IL31RA: variants seen among roughly 807,000 people sequenced by gnomAD.
IL31RA encodes interleukin 31 receptor A, also known as interleukin-31 receptor subunit alpha.
In IL31RA, 66 loss-of-function variants were observed where a neutral mutation model predicts 83.7. The observed-to-expected ratio is 0.79, with a 90% CI of 0.65 to 0.97. The LOEUF (loss-of-function observed/expected upper bound fraction) is 0.97. Among genes scored for constraint, IL31RA ranks in the 50% least tolerant of loss-of-function variants. IL31RA has a pLI of 0.00. For missense variants in IL31RA, 798 were observed against 919.4 expected (o/e 0.87, Z 1.71); for synonymous variants, 325 against 329.0 (o/e 0.99, Z 0.13).
At position 55,916,612 on chromosome 5, in the gene IL31RA, G is replaced by A. The variant is rs1427070964; in HGVS notation, c.1819-32G>A. Reference sequence around the variant, plus strand: ...GCTATGTCATATGTGACTCCTAAATGACCACTTGGGATGTCCCTTTTTCTT... The same window carrying A: ...GCTATGTCATATGTGACTCCTAAATAACCACTTGGGATGTCCCTTTTTCTT... On this transcript the variant is annotated intron_variant, in intron 14 of 14. Transcript: ENST00000652347. 1.9e-6 allele frequency: 3 copies of A among 1,593,442 alleles called. No homozygotes were observed. The South Asian group carries it at 3.3e-5, about 18-fold the overall frequency.
In IL31RA at chr5:55,864,208, G is replaced by C. The variant is rs76772027; in HGVS notation, c.155-4583G>C. 3.3e-3 allele frequency among the ~76,000 whole-genome samples: 501 copies of C among 152,096 alleles called. 6 individuals carry two copies. Among genetic ancestry groups the C allele is most frequent in the African/African-American group, 0.012 (487 of 41,478 alleles). On this transcript the variant is annotated intron_variant, in intron 2 of 14. Coordinates refer to ENST00000652347, the MANE Select transcript of IL31RA (RefSeq NM_139017.7). The stretch of plus-strand genomic sequence containing the variant: ...TAGTGTGACGAGTATGAGCGAAATG[G>C]GGGTGCGGCAGCCTACCCTTTTGTG...
chr5:55,868,177 C>A (rs941964998), intron 2 of IL31RA, among the ~76,000 whole-genome samples: 1 of 152,170 alleles, frequency 6.6e-6, no homozygotes, highest in Non-Finnish European at 1.5e-5. Flanking sequence ...CATTTAAGTT[C>A]ATGGACCCCT....
At chr5:55,869,112 G>A (rs1238831796) in intron 3 of IL31RA, among the ~76,000 whole-genome samples, 1 of 152,330 alleles carries the variant, frequency 6.6e-6, no homozygotes, top group Non-Finnish European at 1.5e-5. Flanking sequence ...CCTCCTCCTG[G>A]ATTCCCCATT....
rs764431610 is a variant in IL31RA at position 55,918,066 on chromosome 5, C to G, written c.*946C>G. On this transcript the variant is annotated 3_prime_UTR_variant, in exon 15 of 15. Coordinates refer to ENST00000652347, the MANE Select transcript of IL31RA (RefSeq NM_139017.7). ...ACAGGAGGACTTCTGCTCCTTTTCTCTAGCTGAGCACAGAGCTTGTGACAG... is the reference window on the plus strand; with the variant it reads ...ACAGGAGGACTTCTGCTCCTTTTCTGTAGCTGAGCACAGAGCTTGTGACAG... Among the ~76,000 whole-genome samples, 1 of 152,248 alleles carries G rather than the reference C, an allele frequency of 6.6e-6. No individual in the cohort carries two copies. Among genetic ancestry groups the G allele is most frequent in the Non-Finnish European group, 1.5e-5 (1 of 68,048 alleles).
At chr5:55,870,176 A>C (rs1746426369) in intron 3 of IL31RA, among the ~76,000 whole-genome samples, 1 of 152,212 alleles carries the variant, frequency 6.6e-6, no homozygotes, top group South Asian at 2.1e-4. Flanking sequence ...TATATAAACC[A>C]ATGGGTGCGG....
chr5:55,844,495 T>C, the IL31RA span, among the ~76,000 whole-genome samples: 1 of 152,146 alleles, frequency 6.6e-6, no homozygotes, highest in Non-Finnish European at 1.5e-5. Context: ...GTAATAATAA[T>C]TATAACAATG....
At chr5:55,857,274 T>C (rs1473886263) in intron 1 of IL31RA, among the ~76,000 whole-genome samples, 2 of 152,022 alleles carry the variant, frequency 1.3e-5, no homozygotes, top group Non-Finnish European at 2.9e-5. Context: ...GATTTTATTG[T>C]GTGTTTTGTA....
intron 4 of IL31RA, among the ~76,000 whole-genome samples, 181 bp downstream of exon 4, chr5:55,872,632 A>AAGGG (rs35184348): frequency 5.7e-5 from 8 of 140,848 alleles, no homozygotes; most frequent in African/African-American, 1.0e-4. Context: ...GGAAGGAAGG[A>AAGGG]AGGGAGGGAG....
chr5:55,895,027 C>CT (rs1392443103), intron 6 of IL31RA, among the ~76,000 whole-genome samples: 3 of 152,206 alleles, frequency 2.0e-5, no homozygotes, highest in African/African-American at 7.2e-5. Context: ...AGTAATTTTA[C>CT]TTTAAGATAT....
rs183776042 is a variant in IL31RA, at chr5:55,918,301, A to G, written c.*1181A>G. Among the ~76,000 whole-genome samples, 272 of 152,290 alleles carry G rather than the reference A, an allele frequency of 1.8e-3. No homozygotes were observed. Among genetic ancestry groups the G allele is most frequent in the Admixed American group, 3.3e-3 (50 of 15,302 alleles). The stretch of plus-strand genomic sequence containing the variant: ...CAGCACTTGCCAGCCAGGAAGGCTG[A>G]TGGTATTTTTTCTAGGAGAGTTTGA... On this transcript the variant is annotated 3_prime_UTR_variant, in exon 15 of 15. Transcript: ENST00000652347.
chr5:55,910,722 C>T (rs1262375335), intron 12 of IL31RA, 50 bp downstream of exon 12: 6 of 1,600,056 alleles, frequency 3.7e-6, no homozygotes, highest in East Asian at 2.2e-5. Context: ...GTTTACCTTA[C>T]ATCAGAGAGA....
Position 55,908,479 on chromosome 5 carries a change from T to C in IL31RA, c.1501+68T>C. 3 of 1,613,976 alleles carry C rather than the reference T, an allele frequency of 1.9e-6. No individual in the cohort carries two copies. The Admixed American group carries it at 5.0e-5, about 27-fold the overall frequency. On this transcript the variant is annotated intron_variant, in intron 11 of 14. Coordinates refer to ENST00000652347, the MANE Select transcript of IL31RA (RefSeq NM_139017.7). ...AGATAGATGCTATGGATAGACCTGT[T>C]GTAGGCATGGCTCCCCCATCTCATT...
intron 4 of IL31RA, among the ~76,000 whole-genome samples, chr5:55,879,425 C>T (rs1355493535): frequency 2.0e-4 from 9 of 45,800 alleles, no homozygotes; most frequent in African/African-American, 2.9e-4. Context: ...AGTTTCTGTC[C>T]TTTTTTTTTT....
the IL31RA span, among the ~76,000 whole-genome samples, chr5:55,842,867 A>G: frequency 6.6e-6 from 1 of 152,084 alleles, no homozygotes. Flanking sequence ...TACTTGATTC[A>G]ATTGTGTTAA....
rs1306999590 is a variant in IL31RA at position 55,867,223 on chromosome 5, GTGTGTGTGTTTGT to G, written c.155-1567_155-1555del. Among the ~76,000 whole-genome samples the G allele has an allele frequency of 4.5e-5, 5 of 112,134 alleles. 1 individual carries two copies. Among genetic ancestry groups the G allele is most frequent in the African/African-American group, 2.3e-4 (4 of 17,026 alleles). The allele number at this position is 112,134 out of a possible 152,430, so 73.6% of individuals were successfully genotyped here. ...TTTGTGTGTGTGCGCATGTGTGTTT[GTGTGTGTGTTTGT>G]GTGTGTGTTTGTGTGTGCGTGTGTT... On this transcript the variant is annotated intron_variant, in intron 2 of 14. Transcript: ENST00000652347.
rs989402834 is a variant in IL31RA, at chr5:55,922,065, G to C, written c.*4945G>C. Among the ~76,000 whole-genome samples, 4 of 134,590 alleles carry C rather than the reference G, an allele frequency of 3.0e-5. No individual in the cohort carries two copies. Among genetic ancestry groups the C allele is most frequent in the Non-Finnish European group, 6.5e-5 (4 of 61,460 alleles). 88.3% of individuals were successfully genotyped at this position (134,590 alleles called of 152,430 possible). On this transcript the variant is annotated 3_prime_UTR_variant, in exon 15 of 15. Transcript: ENST00000652347. The stretch of plus-strand genomic sequence containing the variant: ...CTCTTATGTTGTGGCGGGGGGGGGG[G>C]GCGGTTCCTGAAGAGTGGAGTGTGA...
chr5:55,871,215 C>G (rs1486301997), intron 3 of IL31RA, among the ~76,000 whole-genome samples: 1 of 152,224 alleles, frequency 6.6e-6, no homozygotes, highest in Non-Finnish European at 1.5e-5. Flanking sequence ...AGAACCTGTG[C>G]TTATAACCAC....
intron 6 of IL31RA, among the ~76,000 whole-genome samples, chr5:55,895,721 G>A (rs749188176): frequency 1.5e-4 from 23 of 152,222 alleles, no homozygotes; most frequent in African/African-American, 4.1e-4. Context: ...TTCAGTGTTC[G>A]TAACCAGAAA....
At chr5:55,898,790 A>C (rs1288962185) in intron 7 of IL31RA, among the ~76,000 whole-genome samples, 1 of 152,028 alleles carries the variant, frequency 6.6e-6, no homozygotes, top group East Asian at 1.9e-4. Flanking sequence ...TTGGGAGGCC[A>C]AGGCATGGGG....
Sources: allele counts gnomAD v4.1 joint callset (sites outside exome capture counted in the v4.1 genomes callset), GRCh38; gene constraint gnomAD v4.1.1; transcripts MANE v1.5; gene names NCBI Gene and HGNC (gene_info 2026-07-23, HGNC 2026-07-21).